Variants in CNNM1 observed in about 807,000 individuals in gnomAD.
CNNM1 encodes cyclin and CBS domain divalent metal cation transport mediator 1.
A neutral mutation model predicts 78.8 loss-of-function variants in CNNM1; 44 were observed. The ratio of observed to expected loss-of-function variants is 0.56; its 90% CI spans 0.44 to 0.72. CNNM1 has a LOEUF of 0.72. Among genes scored for constraint, CNNM1 ranks in the 30% least tolerant of loss-of-function variants. The probability of loss-of-function intolerance (pLI) is 0.00; values close to 1 mark genes in which losing one functional copy is unlikely to be tolerated. For missense variants in CNNM1, 1,101 were observed against 1,292.2 expected (o/e 0.85, Z 2.27); for synonymous variants, 584 against 581.5 (o/e 1.00, Z -0.06).
chr10:99,340,326 A>G (rs1027879305), intron 1 of CNNM1, among the ~76,000 whole-genome samples: 1 of 152,178 alleles, frequency 6.6e-6, no homozygotes, highest in Non-Finnish European at 1.5e-5. Flanking sequence ...AGATTTAGTT[A>G]TCTTTCCCGG....
chr10:99,382,643 T>G (rs1407901469), intron 7 of CNNM1, among the ~76,000 whole-genome samples: 1 of 152,210 alleles, frequency 6.6e-6, no homozygotes. Context: ...GGCATGCACT[T>G]GTAGTCCCAG....
intron 1 of CNNM1, among the ~76,000 whole-genome samples, chr10:99,356,576 G>GA (rs374706573): frequency 5.0e-4 from 45 of 90,550 alleles, no homozygotes; most frequent in Non-Finnish European, 7.8e-4. Context: ...AAGAAAGAAA[G>GA]AAAGAAAGAA....
chr10:99,381,319 C>A (rs181034498), intron 7 of CNNM1, among the ~76,000 whole-genome samples: 9 of 149,256 alleles, frequency 6.0e-5, no homozygotes, highest in Admixed American at 4.1e-4. Context: ...GAGGCTGAGG[C>A]AGGAGAATCG....
chr10:99,390,512 A>G (rs1345198279), intron 10 of CNNM1, 105 bp downstream of exon 10: 2 of 785,104 alleles, frequency 2.5e-6, no homozygotes, highest in African/African-American at 1.7e-5. Context: ...GACTCCTCTT[A>G]GAAACCCTAA....
intron 6 of CNNM1, among the ~76,000 whole-genome samples, chr10:99,365,482 CTCTT>C (rs890072381): frequency 6.6e-6 from 1 of 152,228 alleles, no homozygotes; most frequent in African/African-American, 2.4e-5. Context: ...TTATCTGCCT[CTCTT>C]TCTTGGTTCT....
chr10:99,383,554 G>A (rs967205427), intron 7 of CNNM1, among the ~76,000 whole-genome samples: 2 of 152,196 alleles, frequency 1.3e-5, no homozygotes, highest in African/African-American at 4.8e-5. Context: ...TTACAGGTGT[G>A]AGCCACTATC....
chr10:99,383,614 GA>G (rs959948447), intron 7 of CNNM1, among the ~76,000 whole-genome samples: 27 of 152,166 alleles, frequency 1.8e-4, no homozygotes, highest in Admixed American at 2.6e-4. Context: ...TAGGAGTTTG[GA>G]AAGAACAAGA....
chr10:99,388,370 G>A lies in CNNM1; in HGVS notation c.2674+69G>A. 1.9e-6 allele frequency: 3 copies of A among 1,539,756 alleles called. No homozygotes were observed. In the South Asian group the frequency reaches 3.7e-5, roughly 19 times the overall value. ...GCCTTTGGGCACTGGGATGGCCCAG[G>A]GAAAGCTGGCTGAGGGGAGCCCTGG... is the stretch of plus-strand genomic sequence containing the variant. On this transcript the variant is annotated intron_variant, in intron 9 of 10. Coordinates refer to ENST00000356713, the MANE Select transcript of CNNM1 (RefSeq NM_020348.3).
rs1850600511 is a variant in CNNM1 at position 99,330,833 on chromosome 10, G to A, written c.1446G>A (p.Lys482=). 5.6e-6 allele frequency: 9 copies of A among 1,614,036 alleles called. No homozygotes were observed. Among genetic ancestry groups the A allele is most frequent in the Non-Finnish European group, 7.6e-6 (9 of 1,180,042 alleles). Residue 482 remains lysine (K), a synonymous_variant, in exon 1 of 11, where the codon AAG becomes AAA. Coordinates refer to ENST00000356713, the MANE Select transcript of CNNM1 (RefSeq NM_020348.3). ...ACATTGTGGACATTTTATTTGTCAA[G>A]GACTTGGCCTTCGTGGACCCCGACG... ...RHNIVDILFV[K]DLAFVDPDDC...
intron 4 of CNNM1, 51 bp from the exon 5 acceptor site, chr10:99,364,366 C>A: frequency 7.3e-7 from 1 of 1,371,056 alleles, no homozygotes; most frequent in South Asian, 1.3e-5. Flanking sequence ...AATAGTAGAA[C>A]TGGAAGTGCT....
At chr10:99,373,666 C>A (rs2031875901) in intron 6 of CNNM1, among the ~76,000 whole-genome samples, 1 of 152,100 alleles carries the variant, frequency 6.6e-6, no homozygotes, top group Non-Finnish European at 1.5e-5. Flanking sequence ...GGCCATCACC[C>A]AAATAGTATA....
intron 1 of CNNM1, among the ~76,000 whole-genome samples, chr10:99,337,474 A>G (rs1229923393): frequency 6.6e-6 from 1 of 152,198 alleles, no homozygotes; most frequent in Non-Finnish European, 1.5e-5. Context: ...CTTTATTCAC[A>G]TTGCACTTCT....
At chr10:99,339,560 G>T (rs1467280839) in intron 1 of CNNM1, among the ~76,000 whole-genome samples, 1 of 152,216 alleles carries the variant, frequency 6.6e-6, no homozygotes, top group African/African-American at 2.4e-5. Flanking sequence ...AACTGCATAT[G>T]CAAGGAATCT....
intron 1 of CNNM1, among the ~76,000 whole-genome samples, chr10:99,343,388 T>C (rs1322646608): frequency 6.6e-6 from 1 of 152,244 alleles, no homozygotes; most frequent in Non-Finnish European, 1.5e-5. Flanking sequence ...TTAATGACCA[T>C]ATAAACAAAT....
At chr10:99,356,077 T>A (rs144065880) in intron 1 of CNNM1, among the ~76,000 whole-genome samples, 3 of 152,204 alleles carry the variant, frequency 2.0e-5, no homozygotes, top group African/African-American at 7.2e-5. Flanking sequence ...ACAGATTCTG[T>A]GAGTCAGGAA....
Position 99,330,314 on chromosome 10 carries a change from CG to C in CNNM1, c.932del (p.Gly311AlafsTer51). 6.3e-7 allele frequency: 1 copy of C among 1,593,366 alleles called. No individual in the cohort carries two copies. The highest frequency in any genetic ancestry group is 8.5e-7 in the Non-Finnish European group (1 of 1,170,670). On this transcript the variant is annotated frameshift_variant, in exon 1 of 11. Coordinates refer to ENST00000356713, the MANE Select transcript of CNNM1 (RefSeq NM_020348.3). LOFTEE classifies it high-confidence loss of function. ...TGTACACCTCGCTGCCGCCGGGCTT[CG>C]GGGGCACCGGGGAAGACTACAGCGA... is the stretch of plus-strand genomic sequence containing the variant. Reference protein sequence around the residue: ...WLYTSLPPGFGGTGEDYSEEG... With the variant: ...WLYTSLPPGFXGTGEDYSEEG...
intron 1 of CNNM1, among the ~76,000 whole-genome samples, chr10:99,338,407 T>C (rs2030287474): frequency 6.6e-6 from 1 of 151,544 alleles, no homozygotes; most frequent in African/African-American, 2.4e-5. Flanking sequence ...GCCTCCCAAG[T>C]AGCTGGGACT....
chr10:99,356,558 CAGACAGAA>C (rs1452960321), intron 1 of CNNM1, among the ~76,000 whole-genome samples: 935 of 45,640 alleles, frequency 0.02, 8 homozygotes, highest in Non-Finnish European at 0.032. Context: ...GACAGACAGA[CAGACAGAA>C]AGAAAGAAAG....
intron 2 of CNNM1, among the ~76,000 whole-genome samples, chr10:99,359,533 A>G (rs1441395642): frequency 1.3e-5 from 2 of 152,156 alleles, no homozygotes; most frequent in African/African-American, 2.4e-5. Flanking sequence ...CTTGAGCAAA[A>G]GGAGTGTCAA....
Sources: allele counts gnomAD v4.1 joint callset (sites outside exome capture counted in the v4.1 genomes callset), GRCh38; gene constraint gnomAD v4.1.1; transcripts MANE v1.5; gene names NCBI Gene and HGNC (gene_info 2026-07-23, HGNC 2026-07-21).